Variants in MAP3K9 observed in about 807,000 individuals in gnomAD.
MAP3K9 encodes the protein mixed lineage kinase 1 (tyr and ser/thr specificity).
Under a neutral mutation model 95.8 loss-of-function variants are expected in MAP3K9, and 46 were observed. The ratio of observed to expected loss-of-function variants is 0.48; its 90% CI spans 0.38 to 0.61. MAP3K9 has a LOEUF of 0.61. MAP3K9 is among the 20% of genes least tolerant of loss of function. The pLI is 0.00. For synonymous variants in MAP3K9, 533 were observed against 593.8 expected, an observed-to-expected ratio of 0.90 and a Z score of 1.49; for missense variants, 1,296 against 1,474.3, an observed-to-expected ratio of 0.88 and a Z score of 1.98.
intron 9 of MAP3K9, 98 bp downstream of exon 9, chr14:70,735,863 T>C (rs1405347939): frequency 3.1e-6 from 3 of 964,790 alleles, no homozygotes; most frequent in Non-Finnish European, 5.1e-6. Context: ...GCCCTGGCAA[T>C]AACGAGGCTT....
chr14:70,752,635 T>C (rs1261016439), intron 3 of MAP3K9, among the ~76,000 whole-genome samples: 1 of 152,146 alleles, frequency 6.6e-6, no homozygotes, highest in Non-Finnish European at 1.5e-5. Context: ...TTGGAATAAA[T>C]GCCCACCTCC....
At chr14:70,783,640 G>T (rs1025659910) in intron 2 of MAP3K9, among the ~76,000 whole-genome samples, 2 of 152,244 alleles carry the variant, frequency 1.3e-5, no homozygotes, top group African/African-American at 4.8e-5. Flanking sequence ...AATGAACAGT[G>T]AAGTCAAATT....
intron 4 of MAP3K9, among the ~76,000 whole-genome samples, chr14:70,749,346 T>C (rs1383890270): frequency 6.6e-6 from 1 of 152,194 alleles, no homozygotes; most frequent in Non-Finnish European, 1.5e-5. Context: ...GAACAGACAA[T>C]GGGGAATTAT....
chr14:70,739,843 GGC>G, intron 7 of MAP3K9, 197 bp downstream of exon 7: 1 of 1,494,418 alleles, frequency 6.7e-7, no homozygotes, highest in South Asian at 1.3e-5. Context: ...AGGTAGAGGG[GGC>G]AGTAGTAAAG....
chr14:70,723,036 C>T lies in MAP3K9; in HGVS notation c.*7344G>A, dbSNP rs192367506. On this transcript the variant is annotated 3_prime_UTR_variant, in exon 12 of 12. Coordinates refer to ENST00000554752, the MANE Select transcript of MAP3K9 (RefSeq NM_001284230.2). Reference sequence around the variant, plus strand: ...CTTAGACTATAAGATATCTGGGTTTCGGTGGGGAGTGCAGGATGAGTAGGG... The same window carrying T: ...CTTAGACTATAAGATATCTGGGTTTTGGTGGGGAGTGCAGGATGAGTAGGG... The T allele has an allele frequency of 7.9e-5, 12 of 152,238 alleles. No individual in the cohort carries two copies. The highest frequency in any genetic ancestry group is 4.2e-4 in the South Asian group (2 of 4,816). 9.4% of individuals were successfully genotyped at this position (152,238 alleles called of 1,614,324 possible).
chr14:70,747,106 A>T (rs1181258715), intron 5 of MAP3K9, among the ~76,000 whole-genome samples: 1 of 152,230 alleles, frequency 6.6e-6, no homozygotes, highest in East Asian at 1.9e-4. Flanking sequence ...AAAGAGTTTA[A>T]TTCTTCAAAT....
intron 1 of MAP3K9, among the ~76,000 whole-genome samples, chr14:70,803,304 T>G (rs1254464840): frequency 8.4e-6 from 1 of 119,260 alleles, no homozygotes; most frequent in African/African-American, 3.3e-5. Context: ...ACTAACACAC[T>G]ATCTCAGGAG....
At chr14:70,772,678 C>A (rs2054547188) in intron 2 of MAP3K9, among the ~76,000 whole-genome samples, 1 of 152,042 alleles carries the variant, frequency 6.6e-6, no homozygotes, top group East Asian at 1.9e-4. Flanking sequence ...AAAAAAAAGC[C>A]ATTATGATGC....
At position 70,726,288 on chromosome 14, in the gene MAP3K9, T is replaced by C. The variant is rs780357469; in HGVS notation, c.*4092A>G. 3.9e-5 allele frequency: 6 copies of C among 152,258 alleles called. No homozygotes were observed. The highest frequency in any genetic ancestry group is 1.3e-4 in the Admixed American group (2 of 15,280). 9.4% of individuals were successfully genotyped at this position (152,258 alleles called of 1,614,324 possible). On this transcript the variant is annotated 3_prime_UTR_variant, in exon 12 of 12. Coordinates refer to ENST00000554752, the MANE Select transcript of MAP3K9 (RefSeq NM_001284230.2). ...GTCTAGATGTCCTTGGGGTATCTCA[T>C]TGTGTCCCTGAGCAACAGTAGCCTG...
chr14:70,764,838 AAAAC>A (rs1452694079), intron 2 of MAP3K9, among the ~76,000 whole-genome samples: 23 of 152,196 alleles, frequency 1.5e-4, no homozygotes, highest in Non-Finnish European at 2.6e-4. Context: ...CTCTCTCTCA[AAAAC>A]AAACAAACAA....
At chr14:70,760,968 T>C in intron 3 of MAP3K9, 34 bp downstream of exon 3, 2 of 1,604,946 alleles carry the variant, frequency 1.2e-6, no homozygotes, top group Non-Finnish European at 1.7e-6. Context: ...AAGATGGACC[T>C]AGGAAATGCT....
Position 70,732,920 on chromosome 14 carries a change from T to C in MAP3K9, c.2449A>G (p.Lys817Glu), listed in dbSNP as rs775202278. 6.2e-7 allele frequency: 1 copy of C among 1,613,926 alleles called. No individual in the cohort carries two copies. Among genetic ancestry groups the C allele is most frequent in the East Asian group, 2.2e-5 (1 of 44,872 alleles). The change falls in exon 11 of 12, where the codon AAG becomes GAG. Residue 817 changes from lysine to glutamate, a missense_variant. By Grantham distance (56) the Lys-to-Glu change is moderately conservative. Around this residue, in one of 5 missense-constraint regions of MAP3K9, gnomAD observed 433 missense variants for 441.4 expected, o/e 0.98. Transcript: ENST00000554752. ...STSPPSRKLF[K>E]KEEPMLLLGD... ...AGCAACAGCATGGGCTCCTCCTTCT[T>C]GAAAAGCTTTCGGGATGGGGGGCTG...
At chr14:70,794,406 G>A (rs182660990) in intron 2 of MAP3K9, among the ~76,000 whole-genome samples, 3 of 152,228 alleles carry the variant, frequency 2.0e-5, no homozygotes, top group Non-Finnish European at 4.4e-5. Flanking sequence ...GCAGAACGAC[G>A]TTATTCCCAA....
In MAP3K9 at chr14:70,732,753, CAG is replaced by C. The variant is rs767392973; in HGVS notation, c.2614_2615del (p.Leu872GlufsTer21). ...MPVSPVEAPP[L>X]SPCTHNPLVN... ...CCAGGGGGTTGTGGGTACATGGACT[CAG>C]GGGAGGGGCCTCGACTGGGCTGACT... On this transcript the variant is annotated frameshift_variant, in exon 11 of 12. Coordinates refer to ENST00000554752, the MANE Select transcript of MAP3K9 (RefSeq NM_001284230.2). LOFTEE classifies it high-confidence loss of function. The C allele has an allele frequency of 3.7e-5, 60 of 1,610,790 alleles. 1 individual carries two copies. The highest frequency in any genetic ancestry group is 5.5e-5 in the South Asian group (5 of 90,790).
intron 11 of MAP3K9, 140 bp from the exon 12 acceptor site, chr14:70,731,004 T>C (rs2053894681): frequency 1.2e-6 from 1 of 849,914 alleles, no homozygotes; most frequent in Non-Finnish European, 1.8e-6. Context: ...GAGCACCTAC[T>C]GGGAGGCACT....
chr14:70,755,487 T>TC lies in MAP3K9; in HGVS notation c.1002-5407_1002-5406insG, dbSNP rs2054287129. 2.0e-5 allele frequency among the ~76,000 whole-genome samples: 3 copies of TC among 152,356 alleles called. No homozygotes were observed. The South Asian group carries it at 6.2e-4, about 32-fold the overall frequency. ...TGTCTGAGCCCAGTTACCTCATCTG[T>TC]AAAATGGAAATGATGATCCCTACTT... On this transcript the variant is annotated intron_variant, in intron 3 of 11. Transcript: ENST00000554752.
intron 2 of MAP3K9, among the ~76,000 whole-genome samples, chr14:70,770,138 A>C (rs1246254954): frequency 6.6e-6 from 1 of 152,156 alleles, no homozygotes; most frequent in Non-Finnish European, 1.5e-5. Flanking sequence ...ACCTGGTGGT[A>C]GGGGTCAAGG....
chr14:70,784,717 T>C (rs1216644960), intron 2 of MAP3K9, among the ~76,000 whole-genome samples: 1 of 152,108 alleles, frequency 6.6e-6, no homozygotes, highest in Non-Finnish European at 1.5e-5. Flanking sequence ...GTGAGTGAGA[T>C]GGAAGAAGAA....
rs1256228681 is a variant in MAP3K9 at position 70,798,483 on chromosome 14, T to G, written c.820+2184A>C. Among the ~76,000 whole-genome samples the G allele has an allele frequency of 2.3e-5, 3 of 132,616 alleles. No individual in the cohort carries two copies. In the East Asian group the frequency reaches 6.1e-4, roughly 27 times the overall value. 87.0% of individuals were successfully genotyped at this position (132,616 alleles called of 152,430 possible). A position where few individuals can be genotyped will look rare whatever the true frequency, so the allele number is the denominator to read the frequency against. ...GAGGTCACCAAAAGTTTTTTTTTTT[T>G]TTTTTTTTTTTTTGAGACGGAGTCT... On this transcript the variant is annotated intron_variant, in intron 2 of 11. Transcript: ENST00000554752.
Sources: gnomAD v4.1 joint callset for allele counts (sites outside exome capture counted in the v4.1 genomes callset) on GRCh38, gnomAD v4.1.1 for gene constraint, gnomAD v4.1.1 regional missense constraint, MANE v1.5 for transcripts, NCBI Gene and HGNC (gene_info 2026-07-23, HGNC 2026-07-21) for gene names.